RBFOX1: variants seen among roughly 807,000 people sequenced by gnomAD.
RBFOX1 encodes the protein RNA binding fox-1 homolog 1, also known as RNA binding protein fox-1 homolog 1.
RBFOX1 carries 8 observed loss-of-function variants against 57.7 expected under a neutral mutation model. The observed-to-expected ratio is 0.14, with a 90% CI of 0.08 to 0.25. The LOEUF is 0.25. RBFOX1 is among the 10% of genes least tolerant of loss of function. The probability of loss-of-function intolerance (pLI) is 1.00; values close to 1 mark genes in which losing one functional copy is unlikely to be tolerated. For synonymous variants in RBFOX1, 326 were observed against 222.4 expected (o/e 1.47, Z -4.15); for missense variants, 611 against 548.5 (o/e 1.11, Z -1.14).
intron 3 of RBFOX1, among the ~76,000 whole-genome samples, chr16:5,648,211 G>C (rs952262819): frequency 6.6e-6 from 1 of 152,168 alleles, no homozygotes; most frequent in African/African-American, 2.4e-5. Context: ...CATACGATAT[G>C]CAGGAGGAGA....
intron 2 of RBFOX1, among the ~76,000 whole-genome samples, chr16:5,513,404 G>A (rs1372786491): frequency 2.0e-5 from 3 of 152,150 alleles, no homozygotes; most frequent in Non-Finnish European, 4.4e-5. Context: ...CTACCGACAT[G>A]CCTATCGCTG....
chr16:7,139,826 G>C (rs531596451), intron 4 of RBFOX1, among the ~76,000 whole-genome samples: 1 of 152,206 alleles, frequency 6.6e-6, no homozygotes, highest in South Asian at 2.1e-4. Context: ...CAGAAGACAA[G>C]CATTCATGTC....
rs528910392 is a variant in RBFOX1 at position 7,123,842 on chromosome 16, G to A, written c.27+71744G>A. 3.2e-3 allele frequency among the ~76,000 whole-genome samples: 482 copies of A among 152,294 alleles called. 2 individuals are homozygous for A. The highest frequency in any genetic ancestry group is 0.014 in the Middle Eastern group (4 of 294). On this transcript the variant is annotated intron_variant, in intron 4 of 15. Coordinates refer to ENST00000550418, the MANE Select transcript of RBFOX1 (RefSeq NM_018723.4). ...ATATAAGAAGAAGGGTTTTGCACGA[G>A]GGTGGGGCTGTGGTCATTTGATCCA...
intron 5 of RBFOX1, among the ~76,000 whole-genome samples, chr16:7,572,923 G>C (rs1390395966): frequency 6.6e-6 from 1 of 152,136 alleles, no homozygotes; most frequent in Non-Finnish European, 1.5e-5. Context: ...TATAGTGGTA[G>C]AGGGTTTCAG....
intron 1 of RBFOX1, among the ~76,000 whole-genome samples, chr16:5,409,540 CTTTA>C: frequency 6.6e-6 from 1 of 152,288 alleles, no homozygotes; most frequent in South Asian, 2.1e-4. Flanking sequence ...AAATGGGAAT[CTTTA>C]TTTTTCTCTT....
chr16:5,922,588 C>T (rs141630998), intron 4 of RBFOX1, among the ~76,000 whole-genome samples: 16 of 152,274 alleles, frequency 1.1e-4, no homozygotes, highest in African/African-American at 3.9e-4. Context: ...CCCCGTGGTG[C>T]ACAGTCATCC....
intron 3 of RBFOX1, among the ~76,000 whole-genome samples, chr16:5,821,676 CTG>C (rs2055863485): frequency 1.3e-5 from 2 of 152,278 alleles, no homozygotes; most frequent in Admixed American, 1.3e-4. Context: ...ATTCCTGAGA[CTG>C]TGTAACTTAC....
intron 2 of RBFOX1, among the ~76,000 whole-genome samples, chr16:6,464,281 T>G (rs981795490): frequency 2.0e-5 from 3 of 152,218 alleles, no homozygotes; most frequent in Non-Finnish European, 4.4e-5. Context: ...TATTAATGGT[T>G]GGAGTGCAAA....
intron 2 of RBFOX1, among the ~76,000 whole-genome samples, chr16:6,536,759 A>G (rs1453752250): frequency 6.6e-6 from 1 of 152,178 alleles, no homozygotes; most frequent in East Asian, 1.9e-4. Context: ...TAAAAGATTA[A>G]AGAGAGATTA....
intron 4 of RBFOX1, among the ~76,000 whole-genome samples, chr16:7,373,737 C>A (rs1371027686): frequency 6.6e-6 from 1 of 152,176 alleles, no homozygotes; most frequent in Non-Finnish European, 1.5e-5. Flanking sequence ...GATACAGGGG[C>A]CCAGCTCTTT....
intron 2 of RBFOX1, among the ~76,000 whole-genome samples, chr16:6,556,784 T>G (rs9935007): frequency 0.023 from 3,466 of 152,068 alleles, 120 homozygotes; most frequent in African/African-American, 0.079. Context: ...TTCTTATGAC[T>G]TAGACCTGAA....
chr16:6,421,947 G>C (rs1235239807), intron 2 of RBFOX1, among the ~76,000 whole-genome samples: 4 of 89,004 alleles, frequency 4.5e-5, no homozygotes, highest in African/African-American at 1.6e-4. Context: ...TTTTTGTGGA[G>C]TCTCACTCCG....
intron 3 of RBFOX1, among the ~76,000 whole-genome samples, chr16:6,696,739 C>G (rs1052071111): frequency 6.6e-6 from 1 of 152,154 alleles, no homozygotes; most frequent in African/African-American, 2.4e-5. Context: ...ACTTACAAAA[C>G]CTTTCGAAAT....
intron 1 of RBFOX1, among the ~76,000 whole-genome samples, chr16:6,144,778 A>C (rs1567554757): frequency 6.6e-6 from 1 of 152,230 alleles, no homozygotes; most frequent in Non-Finnish European, 1.5e-5. Flanking sequence ...CACATAATTT[A>C]AAAACAGCTC....
intron 4 of RBFOX1, among the ~76,000 whole-genome samples, chr16:7,285,269 C>A (rs978477258): frequency 6.6e-6 from 1 of 151,780 alleles, no homozygotes; most frequent in African/African-American, 2.4e-5. Flanking sequence ...CACAGTTTTC[C>A]CCAATGGTAA....
chr16:5,573,053 G>A lies in RBFOX1; in HGVS notation c.259-25849G>A, dbSNP rs560163929. 3.3e-5 allele frequency among the ~76,000 whole-genome samples: 5 copies of A among 152,282 alleles called. 1 individual carries two copies. The highest frequency in any genetic ancestry group is 1.2e-4 in the African/African-American group (5 of 41,560). On this transcript the variant is annotated intron_variant, in intron 2 of 2. Transcript: ENST00000585867. The stretch of plus-strand genomic sequence containing the variant: ...GGCCATATGGGGCAGGGGCAGGGAG[G>A]ACATTTAGGCAGTTGTCGTAATGAT...
rs369698520 is a variant in RBFOX1 at position 7,417,372 on chromosome 16, C to CA, written c.28-100772dup. Among the ~76,000 whole-genome samples, 383 of 122,634 alleles carry CA rather than the reference C, an allele frequency of 3.1e-3. 23 individuals are homozygous for CA. Among genetic ancestry groups the CA allele is most frequent in the African/African-American group, 8.3e-3 (264 of 31,706 alleles). 80.5% of individuals were successfully genotyped at this position (122,634 alleles called of 152,430 possible). On this transcript the variant is annotated intron_variant, in intron 4 of 15. Coordinates refer to ENST00000550418, the MANE Select transcript of RBFOX1 (RefSeq NM_018723.4). ...TGGGCAACAGAGCGAGACTCTGTGT[C>CA]AAAGAAAAAAAAAAAAAAGAGATGA...
At chr16:6,655,392 A>C (rs991388695) in intron 3 of RBFOX1, among the ~76,000 whole-genome samples, 30 of 137,480 alleles carry the variant, frequency 2.2e-4, no homozygotes, top group African/African-American at 7.6e-4. Context: ...AAAAAAAAAA[A>C]AAAAAAAAAA....
intron 1 of RBFOX1, among the ~76,000 whole-genome samples, chr16:6,138,858 C>T (rs1407850440): frequency 6.6e-6 from 1 of 152,092 alleles, no homozygotes; most frequent in Non-Finnish European, 1.5e-5. Context: ...CAGAGTGAGG[C>T]TCCGTCTCAA....
Sources: gnomAD v4.1 joint callset for allele counts (sites outside exome capture counted in the v4.1 genomes callset) on GRCh38, gnomAD v4.1.1 for gene constraint, MANE v1.5 for transcripts, NCBI Gene and HGNC (gene_info 2026-07-23, HGNC 2026-07-21) for gene names.